CSRNP3: variants seen among roughly 807,000 people sequenced by gnomAD.
CSRNP3 encodes the protein cysteine and serine rich nuclear protein 3.
CSRNP3 carries 12 observed loss-of-function variants against 48.0 expected under a neutral mutation model. That is an observed-to-expected ratio of 0.25 (90% CI 0.16 to 0.41). The LOEUF (loss-of-function observed/expected upper bound fraction) is 0.41. Ranked by LOEUF, CSRNP3 falls within the 10% of genes least tolerant of loss-of-function variation. The pLI is 1.00. For synonymous variants in CSRNP3, 263 were observed against 269.7 expected (o/e 0.98, Z 0.24); for missense variants, 580 against 724.4 (o/e 0.80, Z 2.29).
chr2:165,593,076 C>A (rs1558943924), intron 3 of CSRNP3, among the ~76,000 whole-genome samples: 1 of 152,112 alleles, frequency 6.6e-6, no homozygotes, highest in East Asian at 1.9e-4. Flanking sequence ...GCTGGGATTA[C>A]AGGCGTGAGC....
At chr2:165,514,136 A>G (rs1684544110) in intron 2 of CSRNP3, among the ~76,000 whole-genome samples, 1 of 152,268 alleles carries the variant, frequency 6.6e-6, no homozygotes, top group Non-Finnish European at 1.5e-5. Flanking sequence ...GTATACAGTT[A>G]TCAGTCTTCT....
intron 5 of CSRNP3, among the ~76,000 whole-genome samples, chr2:165,659,771 C>T (rs1190268269): frequency 1.3e-5 from 2 of 152,134 alleles, no homozygotes; most frequent in African/African-American, 4.8e-5. Context: ...CCTGAAGCAC[C>T]ATAAGCACAG....
At position 165,673,131 on chromosome 2, in the gene CSRNP3, C is replaced by CTTTTTTTTTT. The variant is rs3032370; in HGVS notation, c.409-3166_409-3157dup. Reference sequence around the variant, plus strand: ...AGCAAGAGTGAAACAGTATGTAGCTCTTTTTTTTTTTTTTTTTTTTTTTTG... The same window carrying CTTTTTTTTTT: ...AGCAAGAGTGAAACAGTATGTAGCTCTTTTTTTTTTTTTTTTTTTTTTTTTTTTTTTTTTG... On this transcript the variant is annotated intron_variant, in intron 5 of 6. Coordinates refer to ENST00000651982, the MANE Select transcript of CSRNP3 (RefSeq NM_001172173.2). Among the ~76,000 whole-genome samples the CTTTTTTTTTT allele has an allele frequency of 6.4e-4, 43 of 67,124 alleles. 9 individuals are homozygous for CTTTTTTTTTT. The highest frequency in any genetic ancestry group is 1.3e-3 in the African/African-American group (22 of 16,968). The allele number at this position is 67,124 out of a possible 152,430, so 44.0% of individuals were successfully genotyped here.
At position 165,677,068 on chromosome 2, in the gene CSRNP3, A is replaced by G. The variant is rs1687438180; in HGVS notation, c.705+460A>G. On this transcript the variant is annotated intron_variant, in intron 6 of 6. Coordinates refer to ENST00000651982, the MANE Select transcript of CSRNP3 (RefSeq NM_001172173.2). ...CTGCAGAAAATGAAATTGTACTTCC[A>G]TCTTTGCTGTTTGCCAACTATATGA... 6.6e-5 allele frequency among the ~76,000 whole-genome samples: 10 copies of G among 152,342 alleles called. No individual in the cohort carries two copies. In the South Asian group the frequency reaches 1.9e-3, roughly 28 times the overall value.
At chr2:165,655,370 T>A (rs756366879) in intron 4 of CSRNP3, among the ~76,000 whole-genome samples, 11 of 152,208 alleles carry the variant, frequency 7.2e-5, no homozygotes, top group Non-Finnish European at 1.5e-4. Context: ...TAACCGTTGA[T>A]AATTTGGTTT....
At chr2:165,526,866 T>C (rs1290038482) in intron 3 of CSRNP3, among the ~76,000 whole-genome samples, 1 of 152,196 alleles carries the variant, frequency 6.6e-6, no homozygotes, top group Non-Finnish European at 1.5e-5. Flanking sequence ...TGTTTGTCAT[T>C]ATGTATCATA....
intron 4 of CSRNP3, among the ~76,000 whole-genome samples, chr2:165,652,369 T>G (rs1371884399): frequency 8.0e-5 from 12 of 150,458 alleles, no homozygotes; most frequent in Non-Finnish European, 1.6e-4. Context: ...TGTGGTGGTG[T>G]GCACCTGTAG....
chr2:165,475,582 A>G lies in CSRNP3; in HGVS notation c.-283+5842A>G, dbSNP rs78998094. Among the ~76,000 whole-genome samples, 1,249 of 152,318 alleles carry G rather than the reference A, an allele frequency of 8.2e-3. 21 individuals are homozygous for G. Among genetic ancestry groups the G allele is most frequent in the African/African-American group, 0.028 (1,171 of 41,570 alleles). The stretch of plus-strand genomic sequence containing the variant: ...AGGAGTTTCCTTCATCTCTGCATCA[A>G]TGCCTAATACAATGCCTGATACACA... On this transcript the variant is annotated intron_variant, in intron 1 of 6. Coordinates refer to ENST00000651982, the MANE Select transcript of CSRNP3 (RefSeq NM_001172173.2).
chr2:165,513,165 T>C (rs548696374), intron 2 of CSRNP3, among the ~76,000 whole-genome samples: 1 of 152,312 alleles, frequency 6.6e-6, no homozygotes, highest in African/African-American at 2.4e-5. Context: ...GCTAGATTTC[T>C]TTGCCCCAGG....
chr2:165,639,261 A>G (rs1686686718), intron 4 of CSRNP3, among the ~76,000 whole-genome samples: 1 of 152,190 alleles, frequency 6.6e-6, no homozygotes, highest in Non-Finnish European at 1.5e-5. Context: ...CACCATATGA[A>G]GGACATTTGT....
Position 165,645,899 on chromosome 2 carries a change from G to GT in CSRNP3, c.149-11854dup, listed in dbSNP as rs527992036. The stretch of plus-strand genomic sequence containing the variant: ...TTTTTTTTGTTTTGTTTTGTTTTGT[G>GT]TTTTTTTTGTTTTGTTTTGTTTTTT... On this transcript the variant is annotated intron_variant, in intron 4 of 6. Coordinates refer to ENST00000651982, the MANE Select transcript of CSRNP3 (RefSeq NM_001172173.2). 6.4e-3 allele frequency among the ~76,000 whole-genome samples: 961 copies of GT among 149,480 alleles called. 4 individuals carry two copies. The highest frequency in any genetic ancestry group is 0.016 in the African/African-American group (657 of 39,906).
intron 3 of CSRNP3, among the ~76,000 whole-genome samples, chr2:165,575,216 A>C (rs539627941): frequency 6.6e-6 from 1 of 152,280 alleles, no homozygotes; most frequent in South Asian, 2.1e-4. Flanking sequence ...ATCATAGGAA[A>C]GTCTGTCCTG....
At chr2:165,607,181 C>G (rs947760776) in intron 4 of CSRNP3, among the ~76,000 whole-genome samples, 13 of 152,138 alleles carry the variant, frequency 8.5e-5, no homozygotes, top group African/African-American at 2.4e-4. Flanking sequence ...ACTCCCTCCT[C>G]TTTTTCCTTC....
At chr2:165,537,011 A>G (rs1368033174) in intron 3 of CSRNP3, among the ~76,000 whole-genome samples, 3 of 151,832 alleles carry the variant, frequency 2.0e-5, no homozygotes, top group Non-Finnish European at 4.4e-5. Flanking sequence ...TACATAAAAC[A>G]AACACTCAAA....
chr2:165,522,136 CA>C (rs1252969749), intron 3 of CSRNP3, among the ~76,000 whole-genome samples: 9 of 151,900 alleles, frequency 5.9e-5, no homozygotes, highest in African/African-American at 2.2e-4. Flanking sequence ...ACAAAAAATA[CA>C]AAAAATTAGC....
intron 3 of CSRNP3, among the ~76,000 whole-genome samples, chr2:165,592,890 C>T (rs1398242616): frequency 6.7e-6 from 1 of 149,244 alleles, no homozygotes; most frequent in Non-Finnish European, 1.5e-5. Flanking sequence ...CAAGCTCCAC[C>T]TCCCGGGTTC....
At chr2:165,600,030 C>A (rs1685887780) in intron 4 of CSRNP3, among the ~76,000 whole-genome samples, 1 of 148,700 alleles carries the variant, frequency 6.7e-6, no homozygotes, top group African/African-American at 2.5e-5. Context: ...TGTGCTGCAC[C>A]CATTAACTCG....
intron 4 of CSRNP3, among the ~76,000 whole-genome samples, chr2:165,597,462 T>A (rs1685831683): frequency 6.6e-6 from 1 of 152,114 alleles, no homozygotes; most frequent in African/African-American, 2.4e-5. Context: ...TCTCACAACA[T>A]ATGCCAAAAT....
At chr2:165,601,517 T>G (rs1685914542) in intron 4 of CSRNP3, among the ~76,000 whole-genome samples, 1 of 152,222 alleles carries the variant, frequency 6.6e-6, no homozygotes, top group Non-Finnish European at 1.5e-5. Flanking sequence ...ATTCTTGAGT[T>G]CATTTAATAG....
Sources: gnomAD v4.1 joint callset for allele counts (sites outside exome capture counted in the v4.1 genomes callset) on GRCh38, gnomAD v4.1.1 for gene constraint, MANE v1.5 for transcripts, NCBI Gene and HGNC (gene_info 2026-07-23, HGNC 2026-07-21) for gene names.